SIL1: variants seen among roughly 807,000 people sequenced by gnomAD.
SIL1 encodes SIL1 nucleotide exchange factor, also known as nucleotide exchange factor SIL1.
A neutral mutation model predicts 49.1 loss-of-function variants in SIL1; 40 were observed. That is an observed-to-expected ratio of 0.81 (90% CI 0.63 to 1.06). SIL1 has a LOEUF of 1.06. Ranked by LOEUF, SIL1 falls within the 50% of genes least tolerant of loss-of-function variation. The pLI is 0.00. For missense variants in SIL1, 500 were observed against 572.6 expected, an observed-to-expected ratio of 0.87 and a Z score of 1.29; for synonymous variants, 253 against 250.8, an observed-to-expected ratio of 1.01 and a Z score of -0.08.
At chr5:139,109,688 G>A (rs1161608977) in intron 3 of SIL1, among the ~76,000 whole-genome samples, 1 of 137,990 alleles carries the variant, frequency 7.2e-6, no homozygotes, top group Non-Finnish European at 1.5e-5. Context: ...CTAGCACAAG[G>A]GGATGTTAAA....
At chr5:139,150,649 T>C (rs1751278138) in intron 1 of SIL1, among the ~76,000 whole-genome samples, 1 of 152,114 alleles carries the variant, frequency 6.6e-6, no homozygotes, top group South Asian at 2.1e-4. Context: ...ATACCCAATA[T>C]CCAGTCTCCT....
intron 3 of SIL1, among the ~76,000 whole-genome samples, chr5:139,088,405 G>A (rs936951331): frequency 6.6e-6 from 1 of 152,198 alleles, no homozygotes; most frequent in Non-Finnish European, 1.5e-5. Context: ...AAATGCCAGG[G>A]CTGAGCTCAT....
intron 3 of SIL1, among the ~76,000 whole-genome samples, chr5:139,057,942 G>A (rs771404357): frequency 5.3e-5 from 8 of 152,266 alleles, no homozygotes; most frequent in Non-Finnish European, 1.0e-4. Context: ...TTCATGAGGC[G>A]TGGAACTCTC....
chr5:139,188,834 C>T (rs1475717993), intron 1 of SIL1, among the ~76,000 whole-genome samples: 1 of 152,200 alleles, frequency 6.6e-6, no homozygotes, highest in Non-Finnish European at 1.5e-5. Context: ...AAAATCCCCT[C>T]ATCAGACACT....
At chr5:138,962,111 CTT>C (rs370814975) in intron 7 of SIL1, among the ~76,000 whole-genome samples, 2 of 149,068 alleles carry the variant, frequency 1.3e-5, no homozygotes, top group South Asian at 4.3e-4. Context: ...TTATTGGTTT[CTT>C]TTTTTTTTCT....
chr5:139,159,728 G>A (rs530989135), intron 1 of SIL1, among the ~76,000 whole-genome samples: 2 of 152,232 alleles, frequency 1.3e-5, no homozygotes, highest in East Asian at 3.9e-4. Flanking sequence ...GAGACCTTTG[G>A]AAGCTGTTTC....
At chr5:139,179,875 A>G (rs1249293556) in intron 1 of SIL1, among the ~76,000 whole-genome samples, 1 of 151,788 alleles carries the variant, frequency 6.6e-6, no homozygotes, top group Non-Finnish European at 1.5e-5. Flanking sequence ...TGAGCAACAC[A>G]GCAAGATCCC....
chr5:138,950,450 G>T (rs56317268), intron 9 of SIL1, among the ~76,000 whole-genome samples: 1,727 of 152,246 alleles, frequency 0.011, 29 homozygotes, highest in African/African-American at 0.039. Flanking sequence ...GTGTGCAGAG[G>T]GAGTGAGGGG....
intron 5 of SIL1, among the ~76,000 whole-genome samples, chr5:139,036,404 TC>T (rs1420937327): frequency 4.6e-5 from 7 of 152,178 alleles, no homozygotes; most frequent in African/African-American, 1.2e-4. Flanking sequence ...GAATAGGGAA[TC>T]CTTTCCCCAT....
chr5:139,072,543 C>A (rs1435185289), intron 3 of SIL1, among the ~76,000 whole-genome samples: 3 of 152,056 alleles, frequency 2.0e-5, no homozygotes, highest in South Asian at 2.1e-4. Flanking sequence ...TTGTCATATA[C>A]CATATGCAAA....
Position 139,056,404 on chromosome 5 carries a change from C to T in SIL1, c.245-5358G>A, listed in dbSNP as rs543782581. Among the ~76,000 whole-genome samples, 1,257 of 151,404 alleles carry T rather than the reference C, an allele frequency of 8.3e-3. 21 individuals are homozygous for T. Among genetic ancestry groups the T allele is most frequent in the African/African-American group, 0.029 (1,184 of 41,194 alleles). Reference sequence around the variant, plus strand: ...GAGACCCTCTGCCCCACAACCACCCCGACTGAGAAGTGAGGAGCCCCTCCG... The same window carrying T: ...GAGACCCTCTGCCCCACAACCACCCTGACTGAGAAGTGAGGAGCCCCTCCG... On this transcript the variant is annotated intron_variant, in intron 3 of 9. Transcript: ENST00000394817.
chr5:139,171,626 G>T (rs1211855879), intron 1 of SIL1, among the ~76,000 whole-genome samples: 1 of 150,374 alleles, frequency 6.7e-6, no homozygotes, highest in African/African-American at 2.4e-5. Flanking sequence ...TTTATCTGCT[G>T]ACCTTCCCTC....
intron 5 of SIL1, among the ~76,000 whole-genome samples, chr5:139,041,726 C>T (rs1460091496): frequency 5.3e-5 from 8 of 151,732 alleles, no homozygotes; most frequent in Admixed American, 5.2e-4. Flanking sequence ...ATCGCTTGAA[C>T]CCAGGAGGTG....
chr5:139,070,098 A>G (rs2150472360), intron 3 of SIL1, among the ~76,000 whole-genome samples: 1 of 152,308 alleles, frequency 6.6e-6, no homozygotes, highest in South Asian at 2.1e-4. Context: ...TATAATGGCT[A>G]CTCTGAGAAT....
chr5:139,004,733 GA>G (rs1435628587), intron 7 of SIL1, among the ~76,000 whole-genome samples: 6 of 151,972 alleles, frequency 3.9e-5, no homozygotes, highest in Non-Finnish European at 8.8e-5. Context: ...AATGGATAAA[GA>G]AAATGTGATG....
intron 3 of SIL1, among the ~76,000 whole-genome samples, chr5:139,119,719 A>T (rs1231105390): frequency 6.6e-6 from 1 of 152,136 alleles, no homozygotes; most frequent in Non-Finnish European, 1.5e-5. Flanking sequence ...CAAGATCGCA[A>T]CATGGCACTC....
intron 1 of SIL1, among the ~76,000 whole-genome samples, chr5:139,181,545 CAG>C (rs1479073053): frequency 6.6e-6 from 1 of 152,156 alleles, no homozygotes; most frequent in African/African-American, 2.4e-5. Context: ...AAATGATTTC[CAG>C]AGAGTCATTC....
At chr5:139,114,024 T>C (rs1770933103) in intron 3 of SIL1, among the ~76,000 whole-genome samples, 1 of 152,348 alleles carries the variant, frequency 6.6e-6, no homozygotes, top group African/African-American at 2.4e-5. Context: ...ATGTTAAGCA[T>C]ACAAATGCTT....
chr5:139,191,215 C>G (rs1267475852), intron 1 of SIL1, among the ~76,000 whole-genome samples: 2 of 109,702 alleles, frequency 1.8e-5, no homozygotes, highest in African/African-American at 3.8e-5. Context: ...CAGTGAGACT[C>G]TGTCTCAAAA....
Sources: gnomAD v4.1 joint callset for allele counts (sites outside exome capture counted in the v4.1 genomes callset) on GRCh38, gnomAD v4.1.1 for gene constraint, MANE v1.5 for transcripts, NCBI Gene and HGNC (gene_info 2026-07-23, HGNC 2026-07-21) for gene names.